STON1: variants seen among roughly 807,000 people sequenced by gnomAD.
STON1 encodes stonin-1.
In STON1, 79 loss-of-function variants were observed where a neutral mutation model predicts 60.9. The ratio of observed to expected loss-of-function variants is 1.30; its 90% CI spans 1.08 to 1.56. STON1 has a LOEUF of 1.56. Ranked by LOEUF, STON1 falls within the 40% of genes most tolerant of loss-of-function variation. The pLI is 0.00. For synonymous variants in STON1, 363 were observed against 306.9 expected (o/e 1.18, Z -1.91); for missense variants, 1,166 against 858.9 (o/e 1.36, Z -4.47).
intron 1 of STON1, among the ~76,000 whole-genome samples, chr2:48,554,707 A>ATTT (rs11475306): frequency 7.0e-4 from 62 of 88,600 alleles, no homozygotes; most frequent in South Asian, 1.6e-3. Flanking sequence ...TAAGTGCAAA[A>ATTT]TTTTTTTTTT....
At chr2:48,550,315 T>C (rs1672045217) in intron 1 of STON1, among the ~76,000 whole-genome samples, 1 of 151,946 alleles carries the variant, frequency 6.6e-6, no homozygotes, top group African/African-American at 2.4e-5. Flanking sequence ...CTGATCAACA[T>C]GGTGAAACCC....
At chr2:48,562,802 A>G (rs1672665779) in intron 1 of STON1, among the ~76,000 whole-genome samples, 2 of 152,180 alleles carry the variant, frequency 1.3e-5, no homozygotes, top group African/African-American at 4.8e-5. Context: ...GAGCAGACCT[A>G]TAGGCCAGAC....
intron 2 of STON1, among the ~76,000 whole-genome samples, chr2:48,582,945 A>G (rs186057610): frequency 2.1e-3 from 318 of 152,344 alleles, no homozygotes; most frequent in Non-Finnish European, 3.6e-3. Context: ...TCTGTCATCC[A>G]TGAATATACC....
intron 1 of STON1, among the ~76,000 whole-genome samples, chr2:48,547,239 C>G (rs983914116): frequency 6.6e-6 from 1 of 152,168 alleles, no homozygotes; most frequent in Admixed American, 6.5e-5. Context: ...ATATTTAATG[C>G]CCATTGAACA....
rs1374214941 is a variant in STON1, at chr2:48,581,100, A to G, written c.467A>G (p.Asn156Ser). Residue 156 changes from asparagine (N) to serine (S), a missense_variant, in exon 2 of 4, where the codon AAT (asparagine) becomes AGT (serine). By Grantham distance (46) the Asn-to-Ser change is conservative. Transcript: ENST00000404752. Reference protein sequence around the residue: ...TPKVGLPDEVNPQQAESLGFQ... With the variant: ...TPKVGLPDEVSPQQAESLGFQ... The stretch of plus-strand genomic sequence containing the variant: ...AAAGTAGGTCTTCCAGATGAAGTTA[A>G]TCCTCAACAGGCTGAAAGCCTAGGA... 3 of 1,602,084 alleles carry G rather than the reference A, an allele frequency of 1.9e-6. No individual in the cohort carries two copies. Among genetic ancestry groups the G allele is most frequent in the South Asian group, 2.3e-5 (2 of 88,258 alleles).
At chr2:48,564,318 T>C (rs1672732621) in intron 1 of STON1, among the ~76,000 whole-genome samples, 1 of 152,144 alleles carries the variant, frequency 6.6e-6, no homozygotes, top group African/African-American at 2.4e-5. Flanking sequence ...GGTTGGGTTC[T>C]GGTGAGGGTT....
At chr2:48,575,534 T>G (rs1048306051) in intron 1 of STON1, among the ~76,000 whole-genome samples, 4 of 151,628 alleles carry the variant, frequency 2.6e-5, no homozygotes, top group Non-Finnish European at 5.9e-5. Context: ...ATGCCTGTAA[T>G]CCCAGCTACT....
rs1462181852 is a variant in STON1, at chr2:48,596,307, T to C, written c.*1005T>C. ...GGTGAGCAAAGTGAAAGATACTTGG[T>C]ATTTTACCCAGATTTCTAAGTGGCA... On this transcript the variant is annotated 3_prime_UTR_variant, in exon 4 of 4. Coordinates refer to ENST00000404752, the MANE Select transcript of STON1 (RefSeq NM_006873.4). 1 of 152,212 alleles carries C rather than the reference T, an allele frequency of 6.6e-6. No individual in the cohort carries two copies. The highest frequency in any genetic ancestry group is 1.5e-5 in the Non-Finnish European group (1 of 68,024). 9.4% of individuals were successfully genotyped at this position (152,212 alleles called of 1,614,324 possible).
intron 3 of STON1, among the ~76,000 whole-genome samples, chr2:48,594,630 G>A (rs150765640): frequency 3.9e-5 from 6 of 152,200 alleles, no homozygotes; most frequent in East Asian, 3.9e-4. Flanking sequence ...ATAGGGTAAC[G>A]GGATAGAGAG....
intron 1 of STON1, among the ~76,000 whole-genome samples, chr2:48,573,158 C>T (rs767119597): frequency 1.4e-4 from 21 of 152,152 alleles, no homozygotes; most frequent in African/African-American, 2.9e-4. Context: ...GCCTTTCCCA[C>T]GGGCATGATT....
chr2:48,564,406 T>TC (rs1323785267), intron 1 of STON1, among the ~76,000 whole-genome samples: 1 of 17,826 alleles, frequency 5.6e-5, no homozygotes, highest in Non-Finnish European at 1.3e-4. Flanking sequence ...AGTGGCGGTG[T>TC]CTTCTTCTTC....
At chr2:48,541,681 A>T (rs1671658187) in intron 1 of STON1, among the ~76,000 whole-genome samples, 1 of 145,278 alleles carries the variant, frequency 6.9e-6, no homozygotes, top group Non-Finnish European at 1.5e-5. Context: ...CCTGGGTGAC[A>T]AGAGTGAAAC....
At chr2:48,539,440 C>T (rs1331164234) in intron 1 of STON1, among the ~76,000 whole-genome samples, 2 of 152,030 alleles carry the variant, frequency 1.3e-5, no homozygotes, top group African/African-American at 2.4e-5. Flanking sequence ...TATAAATTTA[C>T]CTCTAAATAC....
chr2:48,560,242 A>C (rs1672555113), intron 1 of STON1, among the ~76,000 whole-genome samples: 2 of 152,172 alleles, frequency 1.3e-5, no homozygotes, highest in Admixed American at 1.3e-4. Context: ...GAGGAGAAGG[A>C]GGAAATTTGC....
chr2:48,568,507 G>A (rs1673044591), intron 1 of STON1, among the ~76,000 whole-genome samples: 1 of 152,174 alleles, frequency 6.6e-6, no homozygotes, highest in Non-Finnish European at 1.5e-5. Context: ...GGGGATGATG[G>A]TGTGGGAGGG....
At chr2:48,543,529 CTTTTT>C (rs869048449) in intron 1 of STON1, among the ~76,000 whole-genome samples, 2 of 128,204 alleles carry the variant, frequency 1.6e-5, no homozygotes, top group Admixed American at 7.8e-5. Flanking sequence ...TTAAAGATAA[CTTTTT>C]TTTTTTTTTT....
chr2:48,590,941 T>C (rs1674480024), intron 2 of STON1, among the ~76,000 whole-genome samples: 2 of 152,170 alleles, frequency 1.3e-5, no homozygotes, highest in African/African-American at 4.8e-5. Context: ...TAAGTTTAAC[T>C]TTTAAAAATC....
chr2:48,587,969 G>A (rs940893915), intron 2 of STON1, among the ~76,000 whole-genome samples: 2 of 152,212 alleles, frequency 1.3e-5, no homozygotes, highest in African/African-American at 4.8e-5. Flanking sequence ...GGGGTAGGGA[G>A]GGCAATGCAG....
intron 1 of STON1, among the ~76,000 whole-genome samples, chr2:48,540,164 A>G (rs556469720): frequency 1.3e-5 from 2 of 152,096 alleles, no homozygotes; most frequent in South Asian, 2.1e-4. Context: ...TAGGTTTTAG[A>G]TGATATTTTT....
Sources: allele counts gnomAD v4.1 joint callset (sites outside exome capture counted in the v4.1 genomes callset), GRCh38; gene constraint gnomAD v4.1.1; transcripts MANE v1.5; gene names NCBI Gene and HGNC (gene_info 2026-07-23, HGNC 2026-07-21).